The following ATP10B variants were observed in gnomAD, a reference collection of about 807,000 sequenced individuals.
ATP10B encodes the protein ATPase phospholipid transporting 10B (putative), also known as phospholipid-transporting ATPase VB.
A neutral mutation model predicts 141.2 loss-of-function variants in ATP10B; 122 were observed. That is an observed-to-expected ratio of 0.86 (90% CI 0.75 to 1.00). ATP10B has a LOEUF of 1.00. Among genes scored for constraint, ATP10B ranks in the 50% least tolerant of loss-of-function variants. The pLI is 0.00. For missense variants in ATP10B, 1,876 were observed against 1,825.3 expected, an observed-to-expected ratio of 1.03 and a Z score of -0.51; for synonymous variants, 685 against 692.0, an observed-to-expected ratio of 0.99 and a Z score of 0.16.
rs1754431541 is a variant in ATP10B at position 160,564,691 on chromosome 5, T to C, written c.*762A>G. 1 of 152,212 alleles carries C rather than the reference T, an allele frequency of 6.6e-6. No individual in the cohort carries two copies. Among genetic ancestry groups the C allele is most frequent in the Non-Finnish European group, 1.5e-5 (1 of 68,030 alleles). The allele number at this position is 152,212 out of a possible 1,614,324, so 9.4% of individuals were successfully genotyped here. ...AGCTTTAAAAAAAGAGTGCCACCTA[T>C]GTCCTCTTGTCAGATTCCCCAGCTG... On this transcript the variant is annotated 3_prime_UTR_variant, in exon 26 of 26. Coordinates refer to ENST00000327245, the MANE Select transcript of ATP10B (RefSeq NM_025153.3).
At chr5:160,766,319 CAATG>C (rs1208463291) in intron 2 of ATP10B, among the ~76,000 whole-genome samples, 1 of 146,476 alleles carries the variant, frequency 6.8e-6, no homozygotes, top group East Asian at 2.0e-4. Flanking sequence ...GTCCACCAAT[CAATG>C]AGTGGATAAA....
At chr5:160,825,948 G>A (rs1397348150) in intron 1 of ATP10B, among the ~76,000 whole-genome samples, 1 of 152,082 alleles carries the variant, frequency 6.6e-6, no homozygotes, top group African/African-American at 2.4e-5. Context: ...TTAGAATCAC[G>A]GCCTCCAGCT....
At chr5:160,655,617 G>A (rs571467174) in intron 7 of ATP10B, among the ~76,000 whole-genome samples, 5 of 152,296 alleles carry the variant, frequency 3.3e-5, no homozygotes, top group East Asian at 1.9e-4. Context: ...GACTCATGCC[G>A]TAGAAAAAGC....
At chr5:160,681,780 A>G (rs1404890839) in intron 6 of ATP10B, among the ~76,000 whole-genome samples, 2 of 152,254 alleles carry the variant, frequency 1.3e-5, no homozygotes, top group Admixed American at 6.5e-5. Flanking sequence ...AAAAAATTAC[A>G]TCAGTTACAA....
intron 7 of ATP10B, among the ~76,000 whole-genome samples, chr5:160,652,149 C>T (rs1019951169): frequency 3.9e-5 from 6 of 151,982 alleles, no homozygotes; most frequent in Admixed American, 2.0e-4. Flanking sequence ...GTCCCTTCCT[C>T]CTGCTGTGTC....
intron 24 of ATP10B, among the ~76,000 whole-genome samples, chr5:160,575,286 A>C (rs1402844321): frequency 6.6e-6 from 1 of 152,190 alleles, no homozygotes; most frequent in Non-Finnish European, 1.5e-5. Context: ...CCTTCAGCAC[A>C]GAATCCAGTT....
At chr5:160,752,754 A>G (rs1016688454) in intron 2 of ATP10B, among the ~76,000 whole-genome samples, 2 of 152,192 alleles carry the variant, frequency 1.3e-5, no homozygotes, top group Non-Finnish European at 2.9e-5. Flanking sequence ...TTCATGAGAT[A>G]TGCAAATACA....
chr5:160,823,794 G>A lies in ATP10B; in HGVS notation c.-576+28147C>T, dbSNP rs183013498. On this transcript the variant is annotated intron_variant, in intron 1 of 25. Coordinates refer to ENST00000327245, the MANE Select transcript of ATP10B (RefSeq NM_025153.3). ...GCTTGCAGTGAGCTGAGATCGCGGC[G>A]CTGCACTCCAGCCTGGGCGACAGAG... 6.0e-3 allele frequency among the ~76,000 whole-genome samples: 909 copies of A among 151,986 alleles called. 12 individuals carry two copies. Among genetic ancestry groups the A allele is most frequent in the African/African-American group, 0.02 (850 of 41,476 alleles).
chr5:160,849,618 T>TACACAC (rs796968833), intron 1 of ATP10B, among the ~76,000 whole-genome samples: 5,236 of 148,210 alleles, frequency 0.035, 173 homozygotes, highest in East Asian at 0.16. Flanking sequence ...TACTGGCAAT[T>TACACAC]ACACACACAC....
Position 160,590,944 on chromosome 5 carries a change from G to C in ATP10B, c.3645+115C>G. On this transcript the variant is annotated intron_variant, in intron 23 of 25. Transcript: ENST00000327245. ...GTTGGATGTAACCTGCAGGCTACCT[G>C]TTTGAGCCTCTGCTCTAAAGTGTCC... 8 of 827,206 alleles carry C rather than the reference G, an allele frequency of 9.7e-6. No individual in the cohort carries two copies. The South Asian group carries it at 1.3e-4, about 14-fold the overall frequency. The allele number at this position is 827,206 out of a possible 1,614,324, so 51.2% of individuals were successfully genotyped here. A position where few individuals can be genotyped will look rare whatever the true frequency, so the allele number is the denominator to read the frequency against.
intron 1 of ATP10B, among the ~76,000 whole-genome samples, chr5:160,836,079 A>G (rs1775408633): frequency 6.6e-6 from 1 of 152,102 alleles, no homozygotes; most frequent in African/African-American, 2.4e-5. Flanking sequence ...GGGGAATGAT[A>G]GACATTAGAT....
the ATP10B span, among the ~76,000 whole-genome samples, chr5:160,886,349 T>A: frequency 1.3e-5 from 2 of 152,154 alleles, no homozygotes; most frequent in Non-Finnish European, 1.5e-5. Flanking sequence ...CAGGTACAGA[T>A]AACTGGAGAA....
intron 24 of ATP10B, among the ~76,000 whole-genome samples, chr5:160,579,273 G>A (rs1755395882): frequency 6.6e-6 from 1 of 152,142 alleles, no homozygotes; most frequent in Admixed American, 6.6e-5. Context: ...TATTGCCTAG[G>A]TTTTCTTCTA....
Position 160,687,952 on chromosome 5 carries a change from GTTGTAGC to G in ATP10B, c.116_122del (p.Ser39ThrfsTer2), listed in dbSNP as rs1375763142. ...GGAACACGACCCGCTGCTGTGTCAA[GTTGTAGC>G]TCTGTCTCCCTTTCTCTGGAGAGAG... On this transcript the variant is annotated frameshift_variant, in exon 5 of 26. Transcript: ENST00000327245. LOFTEE classifies it high-confidence loss of function. The G allele has an allele frequency of 6.2e-7, 1 of 1,614,160 alleles. No homozygotes were observed. The highest frequency in any genetic ancestry group is 8.5e-7 in the Non-Finnish European group (1 of 1,180,038).
At chr5:160,627,682 T>C (rs951158619) in intron 13 of ATP10B, among the ~76,000 whole-genome samples, 1 of 152,094 alleles carries the variant, frequency 6.6e-6, no homozygotes, top group Admixed American at 6.5e-5. Context: ...CTAGCAGTCA[T>C]TAAAAAAAAT....
chr5:160,885,418 T>C, the ATP10B span, among the ~76,000 whole-genome samples: 888 of 152,344 alleles, frequency 5.8e-3, 8 homozygotes, highest in African/African-American at 0.02. Flanking sequence ...TGTATTTGCA[T>C]GGCTGATAAG....
intron 2 of ATP10B, among the ~76,000 whole-genome samples, chr5:160,738,470 T>C (rs1421991743): frequency 1.3e-5 from 2 of 151,942 alleles, no homozygotes; most frequent in Admixed American, 1.3e-4. Context: ...CAGAAAATGA[T>C]CAATAAAATC....
rs148426593 is a variant in ATP10B, at chr5:160,787,407, A to G, written c.-575-1604T>C. On this transcript the variant is annotated intron_variant, in intron 1 of 25. Transcript: ENST00000327245. Reference sequence around the variant, plus strand: ...CAACCCCTGCCCTAACCTTCCTACAACCTGTTATTGTTGGCTAAGCCAACT... The same window carrying G: ...CAACCCCTGCCCTAACCTTCCTACAGCCTGTTATTGTTGGCTAAGCCAACT... 6.6e-5 allele frequency among the ~76,000 whole-genome samples: 10 copies of G among 151,854 alleles called. No individual in the cohort carries two copies. In the East Asian group the frequency reaches 1.9e-3, roughly 30 times the overall value.
At chr5:160,574,546 T>G (rs1235926074) in intron 24 of ATP10B, among the ~76,000 whole-genome samples, 5 of 152,206 alleles carry the variant, frequency 3.3e-5, no homozygotes, top group Non-Finnish European at 5.9e-5. Flanking sequence ...AAAAACAAAT[T>G]GCTTATTGCT....
Sources: allele counts gnomAD v4.1 joint callset (sites outside exome capture counted in the v4.1 genomes callset), GRCh38; gene constraint gnomAD v4.1.1; transcripts MANE v1.5; gene names NCBI Gene and HGNC (gene_info 2026-07-23, HGNC 2026-07-21).